The following GBE1 variants were observed in gnomAD, a reference collection of about 807,000 sequenced individuals.
The protein encoded by GBE1 is 1,4-alpha-glucan-branching enzyme.
A neutral mutation model predicts 88.8 loss-of-function variants in GBE1; 70 were observed. The observed-to-expected ratio is 0.79, with a 90% CI of 0.65 to 0.96. The LOEUF is 0.96. GBE1 is among the 40% of genes least tolerant of loss of function. The probability of loss-of-function intolerance (pLI) is 0.00; values close to 1 mark genes in which losing one functional copy is unlikely to be tolerated. For synonymous variants in GBE1, 284 were observed against 300.1 expected (o/e 0.95, Z 0.56); for missense variants, 872 against 871.0 (o/e 1.00, Z -0.01).
At chr3:81,646,225 TGGA>T (rs1324505969) in intron 6 of GBE1, among the ~76,000 whole-genome samples, 164 bp downstream of exon 6, 3 of 152,184 alleles carry the variant, frequency 2.0e-5, no homozygotes, top group Admixed American at 6.5e-5. Context: ...TTTCTAAGGC[TGGA>T]GGAGAAGAGA....
intron 1 of GBE1, among the ~76,000 whole-genome samples, chr3:81,714,425 C>T (rs1190952083): frequency 6.6e-6 from 1 of 152,096 alleles, no homozygotes; most frequent in Admixed American, 6.5e-5. Context: ...TGTACCTAAA[C>T]TTTTTAGCAC....
chr3:81,699,450 G>A (rs937003482), intron 2 of GBE1, among the ~76,000 whole-genome samples: 11 of 151,972 alleles, frequency 7.2e-5, no homozygotes, highest in Admixed American at 2.6e-4. Flanking sequence ...TATTAGTCAG[G>A]GTTCTCTTAG....
At chr3:81,590,102 T>C (rs1190277268) in intron 9 of GBE1, among the ~76,000 whole-genome samples, 1 of 152,080 alleles carries the variant, frequency 6.6e-6, no homozygotes, top group Non-Finnish European at 1.5e-5. Flanking sequence ...TATTCTCCTC[T>C]ATCCAAGCGG....
At chr3:81,521,816 TAAAG>T (rs1414850495) in intron 14 of GBE1, among the ~76,000 whole-genome samples, 3 of 151,292 alleles carry the variant, frequency 2.0e-5, no homozygotes, top group African/African-American at 7.3e-5. Flanking sequence ...ACTGAATAAA[TAAAG>T]AAAAAGGAAG....
intron 2 of GBE1, among the ~76,000 whole-genome samples, chr3:81,677,188 G>A (rs1303824325): frequency 6.6e-6 from 1 of 152,050 alleles, no homozygotes; most frequent in Non-Finnish European, 1.5e-5. Flanking sequence ...AGTATGTAGG[G>A]CCTTCCATTT....
At chr3:81,701,316 A>G (rs1406331622) in intron 2 of GBE1, among the ~76,000 whole-genome samples, 1 of 152,098 alleles carries the variant, frequency 6.6e-6, no homozygotes, top group Non-Finnish European at 1.5e-5. Context: ...TGATTGTTTT[A>G]TTTTCTCTCA....
intron 6 of GBE1, 83 bp downstream of exon 6, chr3:81,646,309 T>C (rs772440858): frequency 6.2e-5 from 55 of 889,942 alleles, no homozygotes; most frequent in Non-Finnish European, 9.7e-5. Context: ...TTACACGATG[T>C]TATAAAAAAT....
intron 1 of GBE1, among the ~76,000 whole-genome samples, chr3:81,751,283 T>G (rs1392037768): frequency 6.6e-6 from 1 of 152,222 alleles, no homozygotes; most frequent in Admixed American, 6.5e-5. Flanking sequence ...GACTACAGCA[T>G]GATCTCACTG....
At chr3:81,549,977 C>T (rs1009993131) in intron 12 of GBE1, among the ~76,000 whole-genome samples, 3 of 151,218 alleles carry the variant, frequency 2.0e-5, no homozygotes, top group East Asian at 1.9e-4. Context: ...TATAAACCAA[C>T]CAGTGATCTC....
intron 1 of GBE1, chr3:81,743,684 A>C: frequency 2.7e-5 from 30 of 1,117,734 alleles, no homozygotes; most frequent in Middle Eastern, 2.0e-4. Flanking sequence ...ACCTGATCTC[A>C]GTCATTTTAT....
At chr3:81,553,168 G>A (rs1195487992) in intron 12 of GBE1, among the ~76,000 whole-genome samples, 3 of 152,174 alleles carry the variant, frequency 2.0e-5, no homozygotes, top group African/African-American at 7.2e-5. Context: ...ATGTACGAAT[G>A]AAGTGTATTT....
At chr3:81,506,159 C>A (rs1390180050) in intron 14 of GBE1, among the ~76,000 whole-genome samples, 1 of 152,044 alleles carries the variant, frequency 6.6e-6, no homozygotes, top group Non-Finnish European at 1.5e-5. Context: ...GCAAACTATG[C>A]ATCTGACAAA....
chr3:81,719,994 T>C (rs1241139280), intron 1 of GBE1, among the ~76,000 whole-genome samples: 1 of 152,106 alleles, frequency 6.6e-6, no homozygotes, highest in Non-Finnish European at 1.5e-5. Context: ...GACAATGGCA[T>C]AGGACACACT....
intron 1 of GBE1, among the ~76,000 whole-genome samples, chr3:81,750,659 G>GTGTATATATATATATATGTATA (rs61309629): frequency 1.4e-4 from 5 of 35,298 alleles, no homozygotes; most frequent in South Asian, 7.1e-4. Context: ...ATATATATAT[G>GTGTATATATATATATATGTATA]TATATATATA....
intron 1 of GBE1, among the ~76,000 whole-genome samples, chr3:81,735,346 A>T (rs1435239328): frequency 6.6e-6 from 1 of 152,200 alleles, no homozygotes; most frequent in Non-Finnish European, 1.5e-5. Flanking sequence ...GTAGGGATGT[A>T]GCACTGCTTA....
intron 14 of GBE1, 29 bp from the exon 15 acceptor site, chr3:81,499,256 TGAG>T (rs768906618): frequency 3.8e-6 from 5 of 1,316,738 alleles, no homozygotes; most frequent in Non-Finnish European, 4.4e-6. Context: ...TCACAACAGT[TGAG>T]GAGTTGAATG....
intron 7 of GBE1, among the ~76,000 whole-genome samples, chr3:81,606,183 T>C (rs1704099472): frequency 6.6e-6 from 1 of 152,180 alleles, no homozygotes; most frequent in African/African-American, 2.4e-5. Flanking sequence ...TAAAAGTCTA[T>C]GCTCCCCAAA....
chr3:81,583,015 C>T (rs1197280728), intron 10 of GBE1, among the ~76,000 whole-genome samples: 1 of 151,866 alleles, frequency 6.6e-6, no homozygotes, highest in South Asian at 2.1e-4. Flanking sequence ...ATATAAAGAA[C>T]CCTCAAAACT....
At chr3:81,502,678 T>C (rs919067777) in intron 14 of GBE1, among the ~76,000 whole-genome samples, 3 of 152,214 alleles carry the variant, frequency 2.0e-5, no homozygotes, top group African/African-American at 7.2e-5. Context: ...AGCAGGTTAT[T>C]TGAGCAACTG....
Sources: allele counts gnomAD v4.1 joint callset (sites outside exome capture counted in the v4.1 genomes callset), GRCh38; gene constraint gnomAD v4.1.1; transcripts MANE v1.5; gene names NCBI Gene and HGNC (gene_info 2026-07-23, HGNC 2026-07-21).